Variants in MOK observed in about 807,000 individuals in gnomAD.
The protein encoded by MOK is MOK protein kinase, also known as MAPK/MAK/MRK overlapping kinase.
MOK carries 59 observed loss-of-function variants against 54.2 expected under a neutral mutation model. That is an observed-to-expected ratio of 1.09 (90% CI 0.88 to 1.35). MOK has a LOEUF of 1.35. MOK is among the 40% of genes most tolerant of loss of function. MOK has a pLI of 0.00. For missense variants in MOK, 517 were observed against 526.2 expected (o/e 0.98, Z 0.17); for synonymous variants, 210 against 202.7 (o/e 1.04, Z -0.31).
chr14:102,240,299 T>A lies in MOK; in HGVS notation c.591-6510A>T, dbSNP rs2065606594. On this transcript the variant is annotated intron_variant, in intron 7 of 11. Transcript: ENST00000361847. The surrounding 1 kb of genome is among the most constrained non-coding windows in gnomAD (Gnocchi z 5.4). ...TGCTCACACAAAGCCCGTTTGGTGGTCTCTTCACAGGGACGCGCGTGACAT... is the reference window on the plus strand; with the variant it reads ...TGCTCACACAAAGCCCGTTTGGTGGACTCTTCACAGGGACGCGCGTGACAT... Among the ~76,000 whole-genome samples the A allele has an allele frequency of 6.6e-6, 1 of 152,148 alleles. No homozygotes were observed. The highest frequency in any genetic ancestry group is 6.5e-5 in the Admixed American group (1 of 15,278).
chr14:102,270,332 G>A (rs1207855650), intron 2 of MOK, among the ~76,000 whole-genome samples: 1 of 152,080 alleles, frequency 6.6e-6, no homozygotes, highest in African/African-American at 2.4e-5. Context: ...CCGGGTACAG[G>A]GGCTCACGCC....
chr14:102,231,773 C>T lies in MOK; in HGVS notation c.915G>A (p.Pro305=), dbSNP rs200104649. 13 of 1,612,602 alleles carry T rather than the reference C, an allele frequency of 8.1e-6. No individual in the cohort carries two copies. The highest frequency in any genetic ancestry group is 1.3e-5 in the African/African-American group (1 of 75,002). Residue 305 remains proline, a synonymous_variant, in exon 10 of 12, where the codon CCG becomes CCA. Transcript: ENST00000361847. This position sits in a 1 kb window ranked among gnomAD's most constrained non-coding sequence, Gnocchi z 4.4. ...ALGSHRKAGF[P]EHPVAPEPLS... is the part of the protein sequence containing the mutation. ...GTGGTTCCGGTGCCACAGGGTGCTCCGGAAAGCCAGCTTTTCTGTGGCTGC... is the reference window on the plus strand; with the variant it reads ...GTGGTTCCGGTGCCACAGGGTGCTCTGGAAAGCCAGCTTTTCTGTGGCTGC...
At chr14:102,273,498 C>T (rs115141695) in intron 2 of MOK, among the ~76,000 whole-genome samples, 1 of 152,206 alleles carries the variant, frequency 6.6e-6, no homozygotes, top group African/African-American at 2.4e-5. Context: ...CTGAAACCGT[C>T]CAGGCAAGGT....
chr14:102,299,167 G>GAA (rs112937903), intron 1 of MOK, among the ~76,000 whole-genome samples: 1 of 146,482 alleles, frequency 6.8e-6, no homozygotes, highest in African/African-American at 2.5e-5. Context: ...TTCCATGGCG[G>GAA]AAAAAAAAAA....
chr14:102,271,390 A>G (rs7154085), intron 2 of MOK, among the ~76,000 whole-genome samples: 43,790 of 151,830 alleles, frequency 0.29, 7,742 homozygotes, highest in African/African-American at 0.51. Flanking sequence ...TCATTGTGGG[A>G]GGGACCTTCC....
intron 1 of MOK, among the ~76,000 whole-genome samples, chr14:102,290,227 G>A (rs1174737040): frequency 6.6e-6 from 1 of 151,314 alleles, no homozygotes; most frequent in African/African-American, 2.4e-5. Flanking sequence ...ATCATCTGAG[G>A]TCGGGAGTTC....
chr14:102,223,016 C>T (rs894804363), downstream of MOK: 75 of 1,039,314 alleles, frequency 7.2e-5, no homozygotes, highest in East Asian at 8.2e-4. Flanking sequence ...GCCGTGTGGA[C>T]GGTGACCGGC....
chr14:102,233,492 C>T (rs901335564), intron 8 of MOK, 196 bp downstream of exon 8: 49 of 565,362 alleles, frequency 8.7e-5, no homozygotes, highest in Non-Finnish European at 1.4e-4. Context: ...CAAGGAAGAG[C>T]TCACCTTTGA....
chr14:102,288,024 C>T (rs962412995), intron 1 of MOK, among the ~76,000 whole-genome samples: 5 of 150,460 alleles, frequency 3.3e-5, no homozygotes, highest in South Asian at 2.1e-4. Context: ...TTAGTAGAGA[C>T]GGGGTTTCAC....
intron 2 of MOK, among the ~76,000 whole-genome samples, chr14:102,270,706 T>G (rs903559227): frequency 6.6e-6 from 1 of 152,028 alleles, no homozygotes; most frequent in African/African-American, 2.4e-5. Flanking sequence ...AGTTACCAAA[T>G]CTGACACAAA....
downstream of MOK, among the ~76,000 whole-genome samples, chr14:102,221,138 C>T (rs1428731689): frequency 3.9e-5 from 6 of 152,224 alleles, no homozygotes; most frequent in Non-Finnish European, 7.3e-5. This position sits in a 1 kb window ranked among gnomAD's most constrained non-coding sequence, Gnocchi z 4.8. Context: ...TGCCTCCTAC[C>T]TGGAGCAGCA....
downstream of MOK, chr14:102,222,973 C>A: frequency 6.5e-7 from 1 of 1,527,970 alleles, no homozygotes; most frequent in African/African-American, 1.4e-5. This position sits in a 1 kb window ranked among gnomAD's most constrained non-coding sequence, Gnocchi z 4.4. Context: ...GCCGTGCCAG[C>A]CGGCGGACCT....
chr14:102,221,502 A>G (rs1229302495), downstream of MOK, among the ~76,000 whole-genome samples: 1 of 152,172 alleles, frequency 6.6e-6, no homozygotes, highest in Non-Finnish European at 1.5e-5. The surrounding 1 kb of genome is among the most constrained non-coding windows in gnomAD (Gnocchi z 4.8). Context: ...AGCCAGAAGT[A>G]TGGGGCGTTT....
intron 2 of MOK, chr14:102,283,032 A>G (rs2069622510): frequency 7.2e-6 from 1 of 139,602 alleles, no homozygotes; most frequent in Admixed American, 7.3e-5. Flanking sequence ...CCAGCCTGGG[A>G]GACAGAGTGA....
rs761364181 is a variant in MOK at position 102,229,405 on chromosome 14, G to A, written c.1183-39C>T. On this transcript the variant is annotated intron_variant, in intron 11 of 11. Coordinates refer to ENST00000361847, the MANE Select transcript of MOK (RefSeq NM_014226.3). ...ATTACAGACACAAAATTCAGTGGCG[G>A]CCTGGGCTGGGTCGAAGAGCAGCGC... 9.3e-6 allele frequency: 15 copies of A among 1,614,060 alleles called. No individual in the cohort carries two copies. In the South Asian group the frequency reaches 1.5e-4, roughly 17 times the overall value.
chr14:102,293,701 C>CAA (rs10598736), intron 1 of MOK, among the ~76,000 whole-genome samples: 769 of 54,418 alleles, frequency 0.014, 4 homozygotes, highest in Middle Eastern at 0.045. Flanking sequence ...AACTCCATCA[C>CAA]AAAAAAAAAA....
In MOK at chr14:102,246,413, CA is replaced by C. The variant is rs143392813; in HGVS notation, c.590+4398del. ...CACTATCTGCCTTTCTAACCCTTCTCATAATCAATACCCCAACCCTTCGTTC... is the reference window on the plus strand; with the variant it reads ...CACTATCTGCCTTTCTAACCCTTCTCTAATCAATACCCCAACCCTTCGTTC... On this transcript the variant is annotated intron_variant, in intron 7 of 11. Transcript: ENST00000361847. Among the ~76,000 whole-genome samples, 701 of 152,226 alleles carry C rather than the reference CA, an allele frequency of 4.6e-3. 6 individuals carry two copies. The highest frequency in any genetic ancestry group is 0.016 in the African/African-American group (651 of 41,500).
chr14:102,299,342 C>T lies in MOK; in HGVS notation c.7+5620G>A, dbSNP rs375388250. Among the ~76,000 whole-genome samples, 145 of 152,062 alleles carry T rather than the reference C, an allele frequency of 9.5e-4. 1 individual carries two copies. In the Middle Eastern group the frequency reaches 0.017, roughly 18 times the overall value. On this transcript the variant is annotated intron_variant, in intron 1 of 11. Coordinates refer to ENST00000361847, the MANE Select transcript of MOK (RefSeq NM_014226.3). The stretch of plus-strand genomic sequence containing the variant: ...CAACCTGGCCAACATGGTGAAACCC[C>T]ATCTTTACTAAAACTACAAAAATTA...
At chr14:102,285,096 A>AG (rs1423258164) in intron 1 of MOK, among the ~76,000 whole-genome samples, 53 of 151,968 alleles carry the variant, frequency 3.5e-4, no homozygotes, top group African/African-American at 1.0e-3. Context: ...AAAAAAAAAA[A>AG]AAAAGAAAAT....
Sources: allele counts gnomAD v4.1 joint callset (sites outside exome capture counted in the v4.1 genomes callset), GRCh38; gene constraint gnomAD v4.1.1; non-coding constraint Gnocchi (gnomAD v3.1); transcripts MANE v1.5; gene names NCBI Gene and HGNC (gene_info 2026-07-23, HGNC 2026-07-21).